Variants in CNTNAP4 observed in about 807,000 individuals in gnomAD.
CNTNAP4 encodes the protein contactin associated protein family member 4, also known as contactin-associated protein-like 4.
A neutral mutation model predicts 148.4 loss-of-function variants in CNTNAP4; 98 were observed. The ratio of observed to expected loss-of-function variants is 0.66; its 90% CI spans 0.56 to 0.78. The LOEUF (loss-of-function observed/expected upper bound fraction) is 0.78, where lower values mean the gene tolerates loss of function less well. Among genes scored for constraint, CNTNAP4 ranks in the 30% least tolerant of loss-of-function variants. The probability of loss-of-function intolerance (pLI) is 0.00; values close to 1 mark genes in which losing one functional copy is unlikely to be tolerated. For missense variants in CNTNAP4, 1,935 were observed against 1,565.6 expected (o/e 1.24, Z -3.98); for synonymous variants, 730 against 565.1 (o/e 1.29, Z -4.14).
At chr16:76,288,942 A>G (rs1049903149) in intron 1 of CNTNAP4, among the ~76,000 whole-genome samples, 5 of 152,158 alleles carry the variant, frequency 3.3e-5, no homozygotes, top group African/African-American at 1.2e-4. Flanking sequence ...ATTTAACTCT[A>G]TTCCATTTCA....
At position 76,560,270 on chromosome 16, in the gene CNTNAP4, A is replaced by G. The variant is rs1235456578; in HGVS notation, c.*1587A>G. ...TAGCATTACTATCATCTTATTTTCT[A>G]TATTTTCCTTGTTAACTCTTCTTAT... On this transcript the variant is annotated 3_prime_UTR_variant, in exon 24 of 24. Coordinates refer to ENST00000611870, the MANE Select transcript of CNTNAP4 (RefSeq NM_033401.5). Among the ~76,000 whole-genome samples, 1 of 152,176 alleles carries G rather than the reference A, an allele frequency of 6.6e-6. No individual in the cohort carries two copies. Among genetic ancestry groups the G allele is most frequent in the African/African-American group, 2.4e-5 (1 of 41,454 alleles).
At chr16:76,499,328 C>G (rs1300284576) in intron 15 of CNTNAP4, among the ~76,000 whole-genome samples, 4 of 151,774 alleles carry the variant, frequency 2.6e-5, no homozygotes, top group Non-Finnish European at 5.9e-5. Flanking sequence ...CCATTCATAC[C>G]TCCAGTCACT....
chr16:76,410,924 A>C (rs957182686), intron 3 of CNTNAP4, among the ~76,000 whole-genome samples: 1 of 151,662 alleles, frequency 6.6e-6, no homozygotes, highest in African/African-American at 2.4e-5. Context: ...GCTTCTATGA[A>C]AGTATAGGTT....
rs2079585648 is a variant in CNTNAP4 at position 76,431,009 on chromosome 16, A to G, written c.538+3410A>G. On this transcript the variant is annotated intron_variant, in intron 4 of 23. Transcript: ENST00000611870. ...AGTCATAAATATTTTCTTAATAAAG[A>G]CAGGCATGTGCAATGTTAGAAAAAT... Among the ~76,000 whole-genome samples the G allele has an allele frequency of 1.3e-5, 2 of 152,226 alleles. 1 individual carries two copies. Among genetic ancestry groups the G allele is most frequent in the Admixed American group, 1.3e-4 (2 of 15,276 alleles).
At chr16:76,341,339 C>T (rs1401681203) in intron 2 of CNTNAP4, among the ~76,000 whole-genome samples, 2 of 152,076 alleles carry the variant, frequency 1.3e-5, no homozygotes, top group Non-Finnish European at 2.9e-5. Flanking sequence ...ACAAATTCTG[C>T]CCCCCACCCA....
At chr16:76,302,482 C>T (rs896565236) in intron 1 of CNTNAP4, among the ~76,000 whole-genome samples, 9 of 152,068 alleles carry the variant, frequency 5.9e-5, no homozygotes, top group East Asian at 1.9e-4. Context: ...TTCTATAACA[C>T]GGTGATTTTC....
At chr16:76,284,446 A>G (rs1958804599) in intron 1 of CNTNAP4, among the ~76,000 whole-genome samples, 1 of 152,014 alleles carries the variant, frequency 6.6e-6, no homozygotes, top group Non-Finnish European at 1.5e-5. Flanking sequence ...TCATGCAGAC[A>G]AAAATTACAG....
Position 76,449,828 on chromosome 16 carries a change from C to G in CNTNAP4, c.1041C>G (p.Ala347=). 6.2e-7 allele frequency: 1 copy of G among 1,607,550 alleles called. No homozygotes were observed. Among genetic ancestry groups the G allele is most frequent in the Non-Finnish European group, 8.5e-7 (1 of 1,177,304 alleles). ...YYNGVDIIDL[A]KQQKPQIIAM... ...ATGGAGTGGATATCATTGATTTGGC[C>G]AAGCAGCAAAAACCACAGATCATTG... Residue 347 remains alanine (A), a synonymous_variant, in exon 7 of 24, where the codon GCC becomes GCG. Transcript: ENST00000611870.
At chr16:76,481,881 C>A (rs1039032207) in intron 12 of CNTNAP4, among the ~76,000 whole-genome samples, 1 of 151,396 alleles carries the variant, frequency 6.6e-6, no homozygotes, top group Non-Finnish European at 1.5e-5. Flanking sequence ...GTAAGTGGGG[C>A]GTAGGAAGAG....
intron 3 of CNTNAP4, among the ~76,000 whole-genome samples, chr16:76,380,411 G>C (rs16944328): frequency 0.03 from 4,535 of 152,200 alleles, 211 homozygotes; most frequent in African/African-American, 0.1. Context: ...TGGGGATTAA[G>C]TTCCCAATGC....
rs143727216 is a variant in CNTNAP4, at chr16:76,399,882, A to G, written c.391-27570A>G. Among the ~76,000 whole-genome samples, 433 of 152,308 alleles carry G rather than the reference A, an allele frequency of 2.8e-3. 3 individuals carry two copies. The highest frequency in any genetic ancestry group is 0.01 in the African/African-American group (420 of 41,576). The stretch of plus-strand genomic sequence containing the variant: ...TTTTTCAATAGTCTCTGCATAAGTC[A>G]TTTTAATTGCTTCATAATATTCCAT... On this transcript the variant is annotated intron_variant, in intron 3 of 23. Coordinates refer to ENST00000611870, the MANE Select transcript of CNTNAP4 (RefSeq NM_033401.5).
At chr16:76,458,809 T>G (rs2080831566) in intron 8 of CNTNAP4, among the ~76,000 whole-genome samples, 1 of 152,166 alleles carries the variant, frequency 6.6e-6, no homozygotes, top group Non-Finnish European at 1.5e-5. Context: ...TTTGGTAGAA[T>G]GACTTATTTT....
chr16:76,521,966 C>A lies in CNTNAP4; in HGVS notation c.2537-73C>A. The A allele has an allele frequency of 9.0e-6, 12 of 1,328,314 alleles. No homozygotes were observed. The South Asian group carries it at 1.4e-4, about 16-fold the overall frequency. The allele number at this position is 1,328,314 out of a possible 1,614,324, so 82.3% of individuals were successfully genotyped here. On this transcript the variant is annotated intron_variant, in intron 16 of 23. Coordinates refer to ENST00000611870, the MANE Select transcript of CNTNAP4 (RefSeq NM_033401.5). ...AGCGATTGTTACGCTGTAGTGTGTT[C>A]CTAAGTATATTGGAGACTCGGCACT... is the stretch of plus-strand genomic sequence containing the variant.
intron 1 of CNTNAP4, among the ~76,000 whole-genome samples, chr16:76,307,024 C>T (rs1050574677): frequency 6.6e-6 from 1 of 152,030 alleles, no homozygotes; most frequent in Admixed American, 6.6e-5. Context: ...AACAAAGAGA[C>T]AAATGTTTGA....
rs527542205 is a variant in CNTNAP4, at chr16:76,462,055, C to T, written c.1433C>T (p.Pro478Leu). The change falls in exon 9 of 24, where the codon CCT (proline) becomes CTT (leucine). Residue 478 changes from proline to leucine, a missense_variant. Transcript: ENST00000611870. ...AVDGQMASAA[P>L]LLGPEQIYSG... is the part of the protein sequence containing the mutation. Reference sequence around the variant, plus strand: ...GACGGCCAGATGGCTTCTGCTGCTCCTCTGCTGGGGCCTGAGCAGATTTAT... The same window carrying T: ...GACGGCCAGATGGCTTCTGCTGCTCTTCTGCTGGGGCCTGAGCAGATTTAT... 2.4e-4 allele frequency: 395 copies of T among 1,613,848 alleles called. 5 individuals are homozygous for T. In the South Asian group the frequency reaches 4.0e-3, roughly 16 times the overall value.
chr16:76,359,385 A>G (rs1408940771), intron 3 of CNTNAP4, among the ~76,000 whole-genome samples: 1 of 152,212 alleles, frequency 6.6e-6, no homozygotes, highest in Non-Finnish European at 1.5e-5. Flanking sequence ...AACAAAAGCA[A>G]TAAAAACAAT....
intron 3 of CNTNAP4, among the ~76,000 whole-genome samples, chr16:76,357,967 G>T (rs9934330): frequency 0.76 from 115,058 of 152,100 alleles, 43,766 homozygotes; most frequent in East Asian, 0.89. Flanking sequence ...ATGAATGGAT[G>T]TGAGTATGTC....
chr16:76,405,728 A>G (rs895517625), intron 3 of CNTNAP4, among the ~76,000 whole-genome samples: 4 of 152,210 alleles, frequency 2.6e-5, no homozygotes, highest in African/African-American at 7.2e-5. Context: ...GAAAACCTGC[A>G]TATATGTGGA....
chr16:76,530,040 A>AT (rs534727590), intron 17 of CNTNAP4, among the ~76,000 whole-genome samples: 9 of 151,662 alleles, frequency 5.9e-5, no homozygotes, highest in Non-Finnish European at 5.9e-5. Context: ...AGATTGTCTT[A>AT]TTTTTTTTAA....
Sources: allele counts gnomAD v4.1 joint callset (sites outside exome capture counted in the v4.1 genomes callset), GRCh38; gene constraint gnomAD v4.1.1; transcripts MANE v1.5; gene names NCBI Gene and HGNC (gene_info 2026-07-23, HGNC 2026-07-21).